Variants in CDKN2A observed in about 807,000 individuals in gnomAD.
CDKN2A encodes the protein cyclin-dependent kinase inhibitor 2A.
Under a neutral mutation model 11.1 loss-of-function variants are expected in CDKN2A, and 3 were observed. The ratio of observed to expected loss-of-function variants is 0.27; its 90% confidence interval spans 0.12 to 0.70. The LOEUF is 0.70. Among genes scored for constraint, CDKN2A ranks in the 30% least tolerant of loss-of-function variants. The pLI is 0.77. For missense variants in CDKN2A, 265 were observed against 233.6 expected (o/e 1.13, Z -0.88); for synonymous variants, 122 against 108.1 (o/e 1.13, Z -0.80).
chr9:21,977,737 C>G (rs936489486), upstream of CDKN2A, among the ~76,000 whole-genome samples: 1 of 152,018 alleles, frequency 6.6e-6, no homozygotes, highest in African/African-American at 2.4e-5. Context: ...AAATAAATAC[C>G]TTCTTCTCAA....
chr9:21,994,538 C>A, intron 1 of CDKN2A: 4 of 1,258,868 alleles, frequency 3.2e-6, no homozygotes, highest in Non-Finnish European at 4.2e-6. Context: ...CCCCCACTCC[C>A]ACCCGGACCT....
chr9:21,968,848 C>A lies in CDKN2A; in HGVS notation c.458-606G>T. On this transcript the variant is annotated intron_variant, in intron 2 of 2. Transcript: ENST00000304494. This position sits in a 1 kb window ranked among gnomAD's most constrained non-coding sequence, Gnocchi z 4.7. ...TCTCTAATCTCGTTGCGTATGGGCT[C>A]CAGCTCGCCGTTCGGTTCTCCCGAG... 7.0e-7 allele frequency: 1 copy of A among 1,431,354 alleles called. No individual in the cohort carries two copies. Among genetic ancestry groups the A allele is most frequent in the Non-Finnish European group, 9.5e-7 (1 of 1,051,740 alleles). 88.7% of individuals were successfully genotyped at this position (1,431,354 alleles called of 1,614,324 possible).
chr9:21,990,229 G>T (rs540414651), intron 2 of CDKN2A, among the ~76,000 whole-genome samples: 4 of 152,242 alleles, frequency 2.6e-5, no homozygotes, highest in African/African-American at 7.2e-5. Context: ...CTAACACGAG[G>T]CACCTTGGAA....
rs1353931026 is a variant in CDKN2A, at chr9:21,970,979, G to A, written c.380C>T (p.Ala127Val). Residue 127 changes from alanine to valine, a missense_variant, in exon 2 of 3, where the codon GCA becomes GTA. Ala to Val is a moderately conservative substitution (Grantham distance 64). Coordinates refer to ENST00000304494, the MANE Select transcript of CDKN2A (RefSeq NM_000077.5). Reference sequence around the variant, plus strand: ...CCCCGCAGCCGCGCGCAGGTACCGTGCGACATCGCGATGGCCCAGCTCCTC... The same window carrying A: ...CCCCGCAGCCGCGCGCAGGTACCGTACGACATCGCGATGGCCCAGCTCCTC... ...LAEELGHRDV[A>V]RYLRAAAGGT... is the part of the protein sequence containing the mutation. The A allele has an allele frequency of 6.2e-7, 1 of 1,610,770 alleles. No individual in the cohort carries two copies. Among genetic ancestry groups the A allele is most frequent in the Non-Finnish European group, 8.5e-7 (1 of 1,180,018 alleles).
intron 2 of CDKN2A, among the ~76,000 whole-genome samples, chr9:21,990,114 C>A (rs1034592422): frequency 2.0e-5 from 3 of 151,996 alleles, no homozygotes; most frequent in Non-Finnish European, 4.4e-5. Flanking sequence ...GCGGCGAGAC[C>A]TGCCTGAAAT....
chr9:21,994,385 C>T lies in CDKN2A; in HGVS notation c.-175-332G>A. On this transcript the variant is annotated intron_variant, in intron 1 of 3. Coordinates refer to the CDKN2A transcript ENST00000494262. ...GCAGCCGCTGCGCCGCCCTTTGGCA[C>T]CAGAGGTGAGCAGCGCCACTCCTGC... The T allele has an allele frequency of 1.2e-6, 2 of 1,607,874 alleles. No homozygotes were observed. Among genetic ancestry groups the T allele is most frequent in the Non-Finnish European group, 1.7e-6 (2 of 1,179,020 alleles).
chr9:21,974,964 C>A, upstream of CDKN2A: 1 of 1,417,164 alleles, frequency 7.1e-7, no homozygotes, highest in Non-Finnish European at 9.1e-7. The surrounding 1 kb of genome is among the most constrained non-coding windows in gnomAD (Gnocchi z 5.2). Flanking sequence ...CCCTCCGACC[C>A]TGTCCCTCAA....
At chr9:21,979,448 G>C (rs1017444324), upstream of CDKN2A, among the ~76,000 whole-genome samples, 1 of 152,132 alleles carries the variant, frequency 6.6e-6, no homozygotes, top group Non-Finnish European at 1.5e-5. Flanking sequence ...AGTTAGAAAA[G>C]AATAAAAGAA....
intron 2 of CDKN2A, among the ~76,000 whole-genome samples, chr9:21,985,623 C>T (rs1328737401): frequency 1.3e-5 from 2 of 151,874 alleles, no homozygotes; most frequent in African/African-American, 2.4e-5. Flanking sequence ...AGACTAATAA[C>T]TTTTTTTCCA....
At chr9:21,971,392 A>G (rs1819740909) in intron 1 of CDKN2A, 184 bp from the exon 2 acceptor site, 3 of 1,456,892 alleles carry the variant, frequency 2.1e-6, no homozygotes, top group South Asian at 2.8e-5. Flanking sequence ...TCAGTACACA[A>G]TGAATTCCAT....
intron 2 of CDKN2A, among the ~76,000 whole-genome samples, chr9:21,980,159 TTTGAGA>T (rs1362894125): frequency 7.9e-5 from 12 of 152,270 alleles, no homozygotes; most frequent in Admixed American, 6.5e-4. Context: ...TGCAAAATCT[TTTGAGA>T]TTATTTCTAG....
At chr9:21,989,591 A>T (rs1820374553) in intron 2 of CDKN2A, 1 of 152,172 alleles carries the variant, frequency 6.6e-6, no homozygotes, top group Non-Finnish European at 1.5e-5. Context: ...AGAGTCTCAG[A>T]AGCGCACTTT....
chr9:21,971,834 C>A (rs1819780354), intron 1 of CDKN2A, among the ~76,000 whole-genome samples: 1 of 151,966 alleles, frequency 6.6e-6, no homozygotes, highest in Non-Finnish European at 1.5e-5. Context: ...ATTATTAAGT[C>A]AAGCTAAGTA....
intron 2 of CDKN2A, among the ~76,000 whole-genome samples, chr9:21,981,544 T>C (rs1820198453): frequency 6.6e-6 from 1 of 151,934 alleles, no homozygotes; most frequent in Non-Finnish European, 1.5e-5. Context: ...ATTCCATGCA[T>C]CCCTTTAATT....
At chr9:21,994,502 C>A (rs1234727351) in intron 1 of CDKN2A, 1 of 1,417,162 alleles carries the variant, frequency 7.1e-7, no homozygotes, top group East Asian at 2.6e-5. Context: ...CGCCCGCCCC[C>A]CACCTTCACC....
At chr9:21,979,677 G>A (rs552669883), upstream of CDKN2A, among the ~76,000 whole-genome samples, 1 of 152,230 alleles carries the variant, frequency 6.6e-6, no homozygotes, top group African/African-American at 2.4e-5. Flanking sequence ...TAAGATGGTC[G>A]GTTAGGAAGT....
chr9:21,971,108 T>G lies in CDKN2A; in HGVS notation c.251A>C (p.Asp84Ala), dbSNP rs587782792. ...GTCCAGGAAGCCCTCCCGGGCAGCG[T>G]CGTGCACGGGTCGGGTGAGAGTGGC... ...DPATLTRPVH[D>A]AAREGFLDTL... The change falls in exon 2 of 3, where the codon GAC (aspartate) becomes GCC (alanine). Residue 84 changes from aspartate (D) to alanine (A), a missense_variant. Coordinates refer to ENST00000304494, the MANE Select transcript of CDKN2A (RefSeq NM_000077.5). The G allele has an allele frequency of 4.4e-6, 7 of 1,604,496 alleles. No individual in the cohort carries two copies. The highest frequency in any genetic ancestry group is 5.9e-6 in the Non-Finnish European group (7 of 1,179,570).
chr9:21,973,174 A>G (rs948894331), intron 1 of CDKN2A, among the ~76,000 whole-genome samples: 5 of 152,210 alleles, frequency 3.3e-5, no homozygotes, highest in Non-Finnish European at 7.3e-5. Context: ...ATAGTATGAA[A>G]AATCTAAAAA....
At chr9:21,971,357 C>T (rs1218478328) in intron 1 of CDKN2A, 149 bp from the exon 2 acceptor site, 3 of 1,496,022 alleles carry the variant, frequency 2.0e-6, no homozygotes, top group African/African-American at 2.8e-5. Context: ...TTTCCAATTT[C>T]CTTCTTGAGT....
Sources: gnomAD v4.1 joint callset for allele counts (sites outside exome capture counted in the v4.1 genomes callset) on GRCh38, gnomAD v4.1.1 for gene constraint, Gnocchi (gnomAD v3.1) non-coding constraint, MANE v1.5 for transcripts, NCBI Gene and HGNC (gene_info 2026-07-23, HGNC 2026-07-21) for gene names.